The following BANK1 variants were observed in gnomAD, a reference collection of about 807,000 sequenced individuals.
The protein encoded by BANK1 is B cell scaffold protein with ankyrin repeats 1.
In BANK1, 95 loss-of-function variants were observed where a neutral mutation model predicts 94.5. The observed-to-expected ratio is 1.00, with a 90% CI of 0.85 to 1.19. The LOEUF (loss-of-function observed/expected upper bound fraction) is 1.19. Among genes scored for constraint, BANK1 ranks in the 50% most tolerant of loss-of-function variants. The probability of loss-of-function intolerance (pLI) is 0.00; values close to 1 mark genes in which losing one functional copy is unlikely to be tolerated. For synonymous variants in BANK1, 334 were observed against 308.4 expected (o/e 1.08, Z -0.87); for missense variants, 987 against 932.2 (o/e 1.06, Z -0.77).
chr4:101,873,803 A>G (rs1169507518), intron 5 of BANK1, among the ~76,000 whole-genome samples: 1 of 152,194 alleles, frequency 6.6e-6, no homozygotes, highest in East Asian at 1.9e-4. Context: ...TTGGGATGAT[A>G]ATTAGAATTG....
intron 7 of BANK1, among the ~76,000 whole-genome samples, chr4:101,987,202 T>G (rs1171401610): frequency 6.6e-6 from 1 of 151,830 alleles, no homozygotes; most frequent in Non-Finnish European, 1.5e-5. Flanking sequence ...ATGTAAGGAA[T>G]TAGCCAAATG....
intron 7 of BANK1, among the ~76,000 whole-genome samples, chr4:102,006,538 C>T (rs893823996): frequency 7.9e-5 from 12 of 151,922 alleles, no homozygotes; most frequent in African/African-American, 2.9e-4. Flanking sequence ...ATTATTCTTT[C>T]CAGGATGGTG....
chr4:101,806,414 AGAC>A (rs199823430), intron 1 of BANK1, among the ~76,000 whole-genome samples: 4 of 151,964 alleles, frequency 2.6e-5, no homozygotes, highest in Non-Finnish European at 4.4e-5. Flanking sequence ...CCTCCATATA[AGAC>A]GACTATTAAT....
chr4:101,986,899 G>GTGTGTGTGTATA (rs1343197093), intron 7 of BANK1, among the ~76,000 whole-genome samples: 4 of 82,660 alleles, frequency 4.8e-5, no homozygotes, highest in African/African-American at 1.9e-4. Context: ...GTGTGTGTGT[G>GTGTGTGTGTATA]TATATATATA....
At chr4:101,797,271 T>G (rs1453916308) in intron 1 of BANK1, among the ~76,000 whole-genome samples, 5 of 152,144 alleles carry the variant, frequency 3.3e-5, no homozygotes, top group Admixed American at 3.3e-4. Flanking sequence ...CAAAATTTTT[T>G]CAAGATGTGA....
intron 11 of BANK1, among the ~76,000 whole-genome samples, chr4:102,059,251 AGGTAGGACT>A (rs2148963132): frequency 6.6e-6 from 1 of 152,312 alleles, no homozygotes; most frequent in East Asian, 1.9e-4. Flanking sequence ...GTATACAGTT[AGGTAGGACT>A]GGCTATTCTC....
intron 1 of BANK1, among the ~76,000 whole-genome samples, chr4:101,826,738 A>G (rs1272254472): frequency 1.3e-5 from 2 of 151,990 alleles, no homozygotes; most frequent in African/African-American, 4.8e-5. Flanking sequence ...TGATTCCCAT[A>G]TGTTTTCTGC....
intron 7 of BANK1, among the ~76,000 whole-genome samples, chr4:101,972,952 G>A (rs1725004352): frequency 6.6e-6 from 1 of 152,082 alleles, no homozygotes; most frequent in Non-Finnish European, 1.5e-5. Context: ...CATGTGGAGA[G>A]AGTAGAATAG....
At chr4:101,948,012 T>C (rs186856199) in intron 7 of BANK1, among the ~76,000 whole-genome samples, 1 of 152,248 alleles carries the variant, frequency 6.6e-6, no homozygotes, top group Admixed American at 6.6e-5. Flanking sequence ...ATATATGCTA[T>C]GTACTGGAAA....
rs148321562 is a variant in BANK1 at position 101,900,090 on chromosome 4, T to G, written c.1009+4680T>G. On this transcript the variant is annotated intron_variant, in intron 6 of 16. Transcript: ENST00000322953. ...GATGAAAAAGGTAAGCCTGTGGACA[T>G]AGTATTTTCTCCCAATTAGAACACC... 7.0e-3 allele frequency among the ~76,000 whole-genome samples: 1,068 copies of G among 152,294 alleles called. 13 individuals carry two copies. The highest frequency in any genetic ancestry group is 0.024 in the African/African-American group (989 of 41,568).
At chr4:101,831,396 T>C (rs1464040755) in intron 2 of BANK1, among the ~76,000 whole-genome samples, 3 of 152,218 alleles carry the variant, frequency 2.0e-5, no homozygotes, top group Non-Finnish European at 4.4e-5. Flanking sequence ...TCTTCCCTGG[T>C]GGAAAACAAC....
intron 7 of BANK1, among the ~76,000 whole-genome samples, chr4:101,921,595 AT>A (rs912523632): frequency 6.6e-6 from 1 of 151,910 alleles, no homozygotes; most frequent in African/African-American, 2.4e-5. Flanking sequence ...ATCCATTCCC[AT>A]CCGTTTAGAA....
At chr4:101,969,038 C>T (rs1429146274) in intron 7 of BANK1, among the ~76,000 whole-genome samples, 1 of 151,934 alleles carries the variant, frequency 6.6e-6, no homozygotes, top group African/African-American at 2.4e-5. Context: ...GATCTGAGCT[C>T]ATTGGAAGGA....
At chr4:102,033,541 A>G (rs948629754) in intron 10 of BANK1, among the ~76,000 whole-genome samples, 1 of 152,230 alleles carries the variant, frequency 6.6e-6, no homozygotes, top group Non-Finnish European at 1.5e-5. Flanking sequence ...TGTACATGCA[A>G]TGTTGCAATT....
intron 7 of BANK1, among the ~76,000 whole-genome samples, chr4:101,966,194 AC>A (rs1324220353): frequency 6.6e-6 from 1 of 152,170 alleles, no homozygotes; most frequent in Non-Finnish European, 1.5e-5. Flanking sequence ...GGCTTATGCT[AC>A]TTTTCCTTTT....
rs1403891781 is a variant in BANK1, at chr4:102,054,251, A to AT, written c.1970-5960_1970-5959insT. Among the ~76,000 whole-genome samples the AT allele has an allele frequency of 1.9e-4, 29 of 152,244 alleles. 1 individual carries two copies. The South Asian group carries it at 6.0e-3, about 32-fold the overall frequency. On this transcript the variant is annotated intron_variant, in intron 11 of 16. Coordinates refer to ENST00000322953, the MANE Select transcript of BANK1 (RefSeq NM_017935.5). ...TTGAACTCAATTCTGTTATACTCTG[A>AT]AGGCCAAACTTGTAATCACCTTCTG...
intron 2 of BANK1, among the ~76,000 whole-genome samples, chr4:101,841,617 T>TTTATTATTA (rs34130720): frequency 6.7e-6 from 1 of 149,862 alleles, no homozygotes; most frequent in East Asian, 2.0e-4. Context: ...GTAATAATCT[T>TTTATTATTA]TTATTATTAT....
intron 8 of BANK1, among the ~76,000 whole-genome samples, chr4:102,023,791 G>T (rs182034188): frequency 6.6e-6 from 1 of 152,298 alleles, no homozygotes; most frequent in African/African-American, 2.4e-5. Context: ...TTCCTATAGC[G>T]TGAATGTAAT....
At chr4:102,002,520 G>T (rs938844033) in intron 7 of BANK1, among the ~76,000 whole-genome samples, 7 of 149,614 alleles carry the variant, frequency 4.7e-5, no homozygotes, top group Admixed American at 1.3e-4. Flanking sequence ...CACAATTTTT[G>T]ATGGTAGACA....
Sources: gnomAD v4.1 joint callset for allele counts (sites outside exome capture counted in the v4.1 genomes callset) on GRCh38, gnomAD v4.1.1 for gene constraint, MANE v1.5 for transcripts, NCBI Gene and HGNC (gene_info 2026-07-23, HGNC 2026-07-21) for gene names.